SNPH: variants seen among roughly 807,000 people sequenced by gnomAD.
SNPH encodes the protein syntaphilin.
A neutral mutation model predicts 36.8 loss-of-function variants in SNPH; 10 were observed. The ratio of observed to expected loss-of-function variants is 0.27; its 90% CI spans 0.17 to 0.46. The LOEUF is 0.46. Ranked by LOEUF, SNPH falls within the 20% of genes least tolerant of loss-of-function variation. The pLI, the probability that SNPH is intolerant of heterozygous loss-of-function variation, is 1.00. For synonymous variants in SNPH, 281 were observed against 312.2 expected (o/e 0.90, Z 1.05); for missense variants, 622 against 744.0 (o/e 0.84, Z 1.91).
chr20:1,293,900 C>T (rs1334015179), intron 2 of SNPH, among the ~76,000 whole-genome samples: 2 of 152,300 alleles, frequency 1.3e-5, no homozygotes, highest in Non-Finnish European at 2.9e-5. Flanking sequence ...CACGCAGCTC[C>T]AAGACAAACC....
Position 1,266,514 on chromosome 20 carries a change from C to T in SNPH, c.-600+117C>T. On this transcript the variant is annotated intron_variant, in intron 1 of 6. Coordinates refer to ENST00000381867, the MANE Select transcript of SNPH (RefSeq NM_001318234.2). The surrounding 1 kb of genome is among the most constrained non-coding windows in gnomAD (Gnocchi z 6.0). ...GCCGCGGGCCGCGAGGAGGAGGGGACGGAGCACCCGGCAGGCAGCCTGCCC... is the reference window on the plus strand; with the variant it reads ...GCCGCGGGCCGCGAGGAGGAGGGGATGGAGCACCCGGCAGGCAGCCTGCCC... The T allele has an allele frequency of 1.1e-5, 14 of 1,240,608 alleles. No individual in the cohort carries two copies. The highest frequency in any genetic ancestry group is 1.5e-5 in the Non-Finnish European group (14 of 953,918). The allele number at this position is 1,240,608 out of a possible 1,614,324, so 76.9% of individuals were successfully genotyped here.
chr20:1,305,503 C>T lies in SNPH; in HGVS notation c.1066C>T (p.Arg356Cys), dbSNP rs151069955. ...TGTGCAGGCCAGCTGCATGCAGGAG[C>T]GTGCCATCCAGACAGACTTCGTGCA... ...AGVQASCMQE[R>C]AIQTDFVQYQ... is the part of the protein sequence containing the mutation. The change falls in exon 7 of 7, where the codon CGT becomes TGT. Residue 356 changes from arginine to cysteine, a missense_variant. Arg to Cys is a radical substitution (Grantham distance 180). This residue lies in a region of SNPH where 379 missense variants were observed against 427.9 expected (regional missense o/e 0.89). Transcript: ENST00000381867. 3.7e-5 allele frequency: 60 copies of T among 1,613,180 alleles called. No individual in the cohort carries two copies. The East Asian group carries it at 1.0e-3, about 28-fold the overall frequency.
Position 1,266,622 on chromosome 20 carries a change from C to T in SNPH, c.-599-32C>T, listed in dbSNP as rs1438024042. 2 of 1,475,888 alleles carry T rather than the reference C, an allele frequency of 1.4e-6. No homozygotes were observed. Among genetic ancestry groups the T allele is most frequent in the African/African-American group, 1.5e-5 (1 of 67,766 alleles). The allele number at this position is 1,475,888 out of a possible 1,614,324, so 91.4% of individuals were successfully genotyped here. A position where few individuals can be genotyped will look rare whatever the true frequency, so the allele number is the denominator to read the frequency against. On this transcript the variant is annotated intron_variant, in intron 1 of 6. Coordinates refer to ENST00000381867, the MANE Select transcript of SNPH (RefSeq NM_001318234.2). This position sits in a 1 kb window ranked among gnomAD's most constrained non-coding sequence, Gnocchi z 6.0. ...GGTGTTCCCCGCCCGCGCTCACCCG[C>T]CCCGGTCTATCTCTTTTTCCTAACC...
chr20:1,287,803 G>A (rs995390776), intron 2 of SNPH, among the ~76,000 whole-genome samples: 1 of 152,216 alleles, frequency 6.6e-6, no homozygotes, highest in Non-Finnish European at 1.5e-5. Flanking sequence ...GGGAGAAGGG[G>A]GAAGGGAGAG....
intron 2 of SNPH, among the ~76,000 whole-genome samples, chr20:1,286,219 A>T (rs755836537): frequency 6.6e-6 from 1 of 152,162 alleles, no homozygotes; most frequent in African/African-American, 2.4e-5. Context: ...CAGCTTCTCC[A>T]GAGAAGGAAA....
intron 3 of SNPH, among the ~76,000 whole-genome samples, chr20:1,295,354 C>T (rs890685230): frequency 2.0e-5 from 3 of 152,176 alleles, no homozygotes; most frequent in Admixed American, 6.5e-5. Context: ...CCTAAGGACT[C>T]GGGGGCAGGA....
Position 1,304,835 on chromosome 20 carries a change from G to A in SNPH, c.441-43G>A. 6.5e-7 allele frequency: 1 copy of A among 1,550,000 alleles called. No homozygotes were observed. The highest frequency in any genetic ancestry group is 1.4e-5 in the African/African-American group (1 of 74,002). On this transcript the variant is annotated intron_variant, in intron 6 of 6. Coordinates refer to ENST00000381867, the MANE Select transcript of SNPH (RefSeq NM_001318234.2). This position sits in a 1 kb window ranked among gnomAD's most constrained non-coding sequence, Gnocchi z 4.3. ...GCCTCTCCTTGGCGGTGACAGACCAGGCAGGCAGGCAGTGAGCGTGTGTGT... is the reference window on the plus strand; with the variant it reads ...GCCTCTCCTTGGCGGTGACAGACCAAGCAGGCAGGCAGTGAGCGTGTGTGT...
intron 2 of SNPH, among the ~76,000 whole-genome samples, chr20:1,270,673 C>T (rs756725741): frequency 6.6e-6 from 1 of 152,166 alleles, no homozygotes; most frequent in Non-Finnish European, 1.5e-5. Context: ...GTCCTTAAAG[C>T]CTTCTAGAAG....
intron 2 of SNPH, among the ~76,000 whole-genome samples, chr20:1,286,809 A>G (rs2088289178): frequency 6.6e-6 from 1 of 152,208 alleles, no homozygotes; most frequent in South Asian, 2.1e-4. Context: ...ACCAGGAACG[A>G]GGAAGCTCTC....
Position 1,296,185 on chromosome 20 carries a change from G to T in SNPH, c.-55G>T. On this transcript the variant is annotated 5_prime_UTR_variant, in exon 4 of 7. Coordinates refer to ENST00000381867, the MANE Select transcript of SNPH (RefSeq NM_001318234.2). ...TCAATTCACTGGTGGAGGCAGCCGT[G>T]GTCTGCCAGGCCCTCGCTCCTGGGG... 7.1e-7 allele frequency: 1 copy of T among 1,405,736 alleles called. No homozygotes were observed. The highest frequency in any genetic ancestry group is 9.4e-7 in the Non-Finnish European group (1 of 1,061,798). The allele number at this position is 1,405,736 out of a possible 1,614,324, so 87.1% of individuals were successfully genotyped here. A position where few individuals can be genotyped will look rare whatever the true frequency, so the allele number is the denominator to read the frequency against.
chr20:1,305,892 C>A lies in SNPH; in HGVS notation c.1455C>A (p.Ala485=). 6.3e-7 allele frequency: 1 copy of A among 1,598,570 alleles called. No homozygotes were observed. The highest frequency in any genetic ancestry group is 8.5e-7 in the Non-Finnish European group (1 of 1,173,048). ...TGGTGCCGGCCGTGCCCACGGTGGCCTGGCTTTGCCGCTCCCAGCGGCGCC... is the reference window on the plus strand; with the variant it reads ...TGGTGCCGGCCGTGCCCACGGTGGCATGGCTTTGCCGCTCCCAGCGGCGCC... The part of the protein sequence containing the change: ...AVVVPAVPTV[A]WLCRSQRRQG... Residue 485 remains alanine, a synonymous_variant, in exon 7 of 7, where the codon GCC becomes GCA. Coordinates refer to ENST00000381867, the MANE Select transcript of SNPH (RefSeq NM_001318234.2).
chr20:1,284,468 A>G (rs1236786098), intron 2 of SNPH, among the ~76,000 whole-genome samples: 2 of 152,232 alleles, frequency 1.3e-5, no homozygotes, highest in Non-Finnish European at 2.9e-5. Context: ...TTCTAAAGAC[A>G]TAAAATAAAT....
At chr20:1,296,477 G>C in intron 4 of SNPH, 56 bp downstream of exon 4, 1 of 1,475,796 alleles carries the variant, frequency 6.8e-7, no homozygotes, top group Non-Finnish European at 9.2e-7. Context: ...GAGGGCGCAC[G>C]GGCCTCTCTC....
Position 1,296,315 on chromosome 20 carries a change from C to T in SNPH, c.76C>T (p.Leu26Phe), listed in dbSNP as rs1306498083. The T allele has an allele frequency of 6.3e-7, 1 of 1,590,118 alleles. No individual in the cohort carries two copies. The highest frequency in any genetic ancestry group is 1.4e-5 in the African/African-American group (1 of 73,046). ...TTCTGCGGGCCCCCCAACCCGCCCTCTCTCCTCAGCCCCCGGGATACCGCC... is the reference window on the plus strand; with the variant it reads ...TTCTGCGGGCCCCCCAACCCGCCCTTTCTCCTCAGCCCCCGGGATACCGCC... ...ALSAGPPTRP[L>F]SSAPGIPPIP... Residue 26 changes from leucine to phenylalanine, a missense_variant, in exon 4 of 7, where the codon CTC (leucine) becomes TTC (phenylalanine). Physicochemically the swap from Leu to Phe is conservative, Grantham distance 22. This residue lies in a region of SNPH where 187 missense variants were observed against 209.4 expected (regional missense o/e 0.89). Transcript: ENST00000381867.
At chr20:1,291,970 A>G (rs543963871) in intron 2 of SNPH, among the ~76,000 whole-genome samples, 1 of 152,322 alleles carries the variant, frequency 6.6e-6, no homozygotes, top group African/African-American at 2.4e-5. Context: ...AAGAAGCATC[A>G]ATTAGAAGCC....
chr20:1,283,801 C>A (rs557298951), intron 2 of SNPH, among the ~76,000 whole-genome samples: 1 of 152,226 alleles, frequency 6.6e-6, no homozygotes, highest in East Asian at 1.9e-4. Flanking sequence ...GAATAGGACC[C>A]GGGGCTGTGA....
chr20:1,286,090 A>C (rs2088281281), intron 2 of SNPH, among the ~76,000 whole-genome samples: 1 of 50,702 alleles, frequency 2.0e-5, no homozygotes, highest in East Asian at 2.5e-4. Context: ...ACTCCATCTT[A>C]AAAAAAAAAA....
At chr20:1,277,961 ATGTC>A (rs1452275216) in intron 2 of SNPH, among the ~76,000 whole-genome samples, 21 of 83,670 alleles carry the variant, frequency 2.5e-4, no homozygotes, top group African/African-American at 8.3e-4. Context: ...CTGTGCCTGT[ATGTC>A]TGTGTGTATC....
rs765666405 is a variant in SNPH, at chr20:1,306,056, G to A, written c.*2G>A. 6.9e-7 allele frequency: 1 copy of A among 1,451,454 alleles called. No individual in the cohort carries two copies. The highest frequency in any genetic ancestry group is 9.1e-7 in the Non-Finnish European group (1 of 1,104,260). The allele number at this position is 1,451,454 out of a possible 1,614,324, so 89.9% of individuals were successfully genotyped here. ...GCGGGCGGCGGCTCCCAGCTCTGAG[G>A]GGGCCCATTCTGGCAGCGGCGCCTG... On this transcript the variant is annotated 3_prime_UTR_variant, in exon 7 of 7. Coordinates refer to ENST00000381867, the MANE Select transcript of SNPH (RefSeq NM_001318234.2).
Sources: gnomAD v4.1 joint callset for allele counts (sites outside exome capture counted in the v4.1 genomes callset) on GRCh38, gnomAD v4.1.1 for gene constraint, gnomAD v4.1.1 regional missense constraint, Gnocchi (gnomAD v3.1) non-coding constraint, MANE v1.5 for transcripts, NCBI Gene and HGNC (gene_info 2026-07-23, HGNC 2026-07-21) for gene names.